LINGO2: variants seen among roughly 807,000 people sequenced by gnomAD.
LINGO2 encodes the protein leucine rich repeat and Ig domain containing 2, also known as leucine-rich repeat and immunoglobulin-like domain-containing nogo receptor-interacting protein 2.
In LINGO2, 14 loss-of-function variants were observed where a neutral mutation model predicts 30.6. The observed-to-expected ratio is 0.46, with a 90% CI of 0.30 to 0.72. The LOEUF (loss-of-function observed/expected upper bound fraction) is 0.72. LINGO2 is among the 30% of genes least tolerant of loss of function. The pLI is 0.07. For missense variants in LINGO2, 729 were observed against 751.7 expected (o/e 0.97, Z 0.35); for synonymous variants, 317 against 288.5 (o/e 1.10, Z -1.00).
the LINGO2 span, among the ~76,000 whole-genome samples, chr9:28,865,125 T>C: frequency 6.6e-6 from 1 of 152,076 alleles, no homozygotes; most frequent in Non-Finnish European, 1.5e-5. Flanking sequence ...AGAGAACACA[T>C]ATACCACGGC....
chr9:28,012,346 C>G (rs1214067126), intron 5 of LINGO2: 3 of 151,786 alleles, frequency 2.0e-5, no homozygotes, highest in African/African-American at 7.3e-5. Context: ...TAAAAAGTTT[C>G]TGGCTTACCT....
chr9:29,174,768 A>G, the LINGO2 span, among the ~76,000 whole-genome samples: 1 of 152,244 alleles, frequency 6.6e-6, no homozygotes, highest in African/African-American at 2.4e-5. Flanking sequence ...TTATAAATAC[A>G]TGTCAGGATG....
At chr9:28,106,470 AAT>A (rs1826595843) in intron 4 of LINGO2, among the ~76,000 whole-genome samples, 1 of 152,192 alleles carries the variant, frequency 6.6e-6, no homozygotes, top group Non-Finnish European at 1.5e-5. Context: ...ACCATGCAAG[AAT>A]GAAAAAGTCG....
chr9:28,924,933 T>C, the LINGO2 span, among the ~76,000 whole-genome samples: 1 of 152,186 alleles, frequency 6.6e-6, no homozygotes, highest in South Asian at 2.1e-4. Flanking sequence ...TCTCCTTTGG[T>C]TTCCATTTGC....
chr9:28,554,954 C>A, intron 1 of LINGO2, among the ~76,000 whole-genome samples: 2 of 128,924 alleles, frequency 1.6e-5, no homozygotes, highest in Admixed American at 7.8e-5. Flanking sequence ...CCAACGAGAA[C>A]AAAGACACCA....
the LINGO2 span, among the ~76,000 whole-genome samples, chr9:29,095,533 A>T: frequency 1.4e-5 from 2 of 138,700 alleles, no homozygotes; most frequent in Admixed American, 1.5e-4. Flanking sequence ...GTATCAATGC[A>T]TGTGCTCACT....
At chr9:28,610,013 C>T (rs868750917) in intron 1 of LINGO2, among the ~76,000 whole-genome samples, 15 of 151,852 alleles carry the variant, frequency 9.9e-5, no homozygotes, top group African/African-American at 3.6e-4. Flanking sequence ...TTTTATAATG[C>T]CCTTTAAATA....
Position 28,097,188 on chromosome 9 carries a change from G to T in LINGO2, c.-86-84783C>A, listed in dbSNP as rs564459411. ...ATCAGTAAAAAGTCAGGAAACAACA[G>T]GTGCTGGAGGGGATGTGGAGAAATA... On this transcript the variant is annotated intron_variant, in intron 4 of 5. Transcript: ENST00000379992. 4.2e-4 allele frequency among the ~76,000 whole-genome samples: 64 copies of T among 152,258 alleles called. 1 individual carries two copies. Among genetic ancestry groups the T allele is most frequent in the South Asian group, 1.7e-3 (8 of 4,824 alleles).
the LINGO2 span, among the ~76,000 whole-genome samples, chr9:28,693,426 T>A: frequency 6.6e-6 from 1 of 152,122 alleles, no homozygotes; most frequent in Non-Finnish European, 1.5e-5. Context: ...TTACGAGGTA[T>A]TTGAGATGCA....
At chr9:28,038,371 C>A (rs1824039793) in intron 4 of LINGO2, among the ~76,000 whole-genome samples, 1 of 152,162 alleles carries the variant, frequency 6.6e-6, no homozygotes, top group Non-Finnish European at 1.5e-5. Flanking sequence ...TAGAGACGTG[C>A]ACCTGCTCAT....
chr9:28,474,360 T>G (rs143916297), intron 2 of LINGO2, among the ~76,000 whole-genome samples: 579 of 151,978 alleles, frequency 3.8e-3, no homozygotes, highest in Admixed American at 6.9e-3. Flanking sequence ...GTCTCCTAAA[T>G]ACAGCTTAAC....
the LINGO2 span, among the ~76,000 whole-genome samples, chr9:29,135,558 CAAAAAAA>C: frequency 9.2e-6 from 1 of 108,216 alleles, no homozygotes; most frequent in African/African-American, 3.6e-5. Context: ...ATTCCATCTC[CAAAAAAA>C]AAAAAAAAAA....
At chr9:28,048,978 TAGC>T (rs1368420497) in intron 4 of LINGO2, among the ~76,000 whole-genome samples, 2 of 151,024 alleles carry the variant, frequency 1.3e-5, no homozygotes. Flanking sequence ...AAAGTACTAA[TAGC>T]AGTATTAGAA....
chr9:29,144,474 G>C, the LINGO2 span, among the ~76,000 whole-genome samples: 1 of 152,016 alleles, frequency 6.6e-6, no homozygotes, highest in African/African-American at 2.4e-5. Context: ...AAAATATACT[G>C]GAAGTATATT....
chr9:28,894,901 A>C, the LINGO2 span, among the ~76,000 whole-genome samples: 1 of 152,128 alleles, frequency 6.6e-6, no homozygotes, highest in Admixed American at 6.6e-5. Context: ...TCAAGAACAA[A>C]ACACAGTTAT....
At chr9:28,088,160 G>C (rs1372687959) in intron 4 of LINGO2, among the ~76,000 whole-genome samples, 2 of 151,108 alleles carry the variant, frequency 1.3e-5, no homozygotes, top group African/African-American at 2.4e-5. Context: ...CTCCTGCATA[G>C]GGTTTGAGGA....
the LINGO2 span, among the ~76,000 whole-genome samples, chr9:28,990,598 G>A: frequency 6.6e-6 from 1 of 152,182 alleles, no homozygotes; most frequent in Non-Finnish European, 1.5e-5. Flanking sequence ...CTAACTGGGA[G>A]GCACCACCCA....
the LINGO2 span, among the ~76,000 whole-genome samples, chr9:29,056,908 C>A: frequency 6.6e-6 from 1 of 151,982 alleles, no homozygotes; most frequent in Non-Finnish European, 1.5e-5. Flanking sequence ...AAGAATTTGG[C>A]TTTATTTCTG....
intron 2 of LINGO2, among the ~76,000 whole-genome samples, chr9:28,382,409 AT>A: frequency 6.6e-6 from 1 of 152,286 alleles, no homozygotes; most frequent in African/African-American, 2.4e-5. Context: ...GTATTAAATG[AT>A]TTTAGTTAAA....
Sources: gnomAD v4.1 joint callset for allele counts (sites outside exome capture counted in the v4.1 genomes callset) on GRCh38, gnomAD v4.1.1 for gene constraint, MANE v1.5 for transcripts, NCBI Gene and HGNC (gene_info 2026-07-23, HGNC 2026-07-21) for gene names.